XKR9: variants seen among roughly 807,000 people sequenced by gnomAD.
XKR9 encodes XK related 9.
Under a neutral mutation model 32.0 loss-of-function variants are expected in XKR9, and 32 were observed. That is an observed-to-expected ratio of 1.00 (90% confidence interval 0.76 to 1.34). The LOEUF is 1.34. XKR9 is among the 40% of genes most tolerant of loss of function. The probability of loss-of-function intolerance (pLI) is 0.00; values close to 1 mark genes in which losing one functional copy is unlikely to be tolerated. For synonymous variants in XKR9, 168 were observed against 143.4 expected, an observed-to-expected ratio of 1.17 and a Z score of -1.22; for missense variants, 546 against 429.7, an observed-to-expected ratio of 1.27 and a Z score of -2.39.
rs1346211992 is a variant in XKR9, at chr8:70,785,775, G to GTA, written n.353-3554_353-3553dup. On this transcript the variant is annotated intron_variant and non_coding_transcript_variant, in intron 2 of 3. Transcript: ENST00000520273. ...TATATATGTATATATGTGTATATAT[G>GTA]TATATATATATGTATGTATATATAC... 1.0e-4 allele frequency among the ~76,000 whole-genome samples: 15 copies of GTA among 143,318 alleles called. No individual in the cohort carries two copies. The East Asian group carries it at 1.8e-3, about 17-fold the overall frequency. 94.0% of individuals were successfully genotyped at this position (143,318 alleles called of 152,430 possible). A position where few individuals can be genotyped will look rare whatever the true frequency, so the allele number is the denominator to read the frequency against.
the XKR9 span, among the ~76,000 whole-genome samples, chr8:70,889,202 T>C: frequency 6.6e-6 from 1 of 151,276 alleles, no homozygotes; most frequent in Non-Finnish European, 1.5e-5. Context: ...GTTTATTTTA[T>C]TTTTTTTAGT....
At chr8:70,902,471 T>C in the XKR9 span, among the ~76,000 whole-genome samples, 1 of 152,218 alleles carries the variant, frequency 6.6e-6, no homozygotes, top group Admixed American at 6.5e-5. Context: ...TCTTGGTGTA[T>C]AGGAATGCTT....
the XKR9 span, among the ~76,000 whole-genome samples, chr8:70,805,034 A>G: frequency 1.1e-3 from 169 of 152,318 alleles, 2 homozygotes; most frequent in African/African-American, 4.0e-3. Context: ...GCTTCCATCA[A>G]AAAGAACCAT....
chr8:70,926,957 T>A, the XKR9 span, among the ~76,000 whole-genome samples: 1 of 152,096 alleles, frequency 6.6e-6, no homozygotes, highest in Non-Finnish European at 1.5e-5. Flanking sequence ...CTACCATTAT[T>A]TCTAGAGTTA....
chr8:70,979,264 C>A, the XKR9 span, among the ~76,000 whole-genome samples: 6 of 152,184 alleles, frequency 3.9e-5, no homozygotes, highest in Admixed American at 2.6e-4. Context: ...ATTCTCCGTC[C>A]AGCTTTGTTT....
At chr8:71,042,401 G>A in the XKR9 span, among the ~76,000 whole-genome samples, 2 of 151,988 alleles carry the variant, frequency 1.3e-5, no homozygotes, top group African/African-American at 4.8e-5. Flanking sequence ...TTAGAAACTG[G>A]GTGTCCCTGC....
At chr8:70,954,893 C>T in the XKR9 span, among the ~76,000 whole-genome samples, 1 of 152,120 alleles carries the variant, frequency 6.6e-6, no homozygotes, top group Admixed American at 6.5e-5. Flanking sequence ...GAGATTCTTT[C>T]CCTCCTGAGA....
chr8:70,953,478 A>G, the XKR9 span, among the ~76,000 whole-genome samples: 2 of 151,944 alleles, frequency 1.3e-5, no homozygotes, highest in Non-Finnish European at 2.9e-5. Context: ...TGCCCGGCTA[A>G]TTTTTTAATT....
At chr8:70,814,641 C>T in the XKR9 span, among the ~76,000 whole-genome samples, 3 of 152,176 alleles carry the variant, frequency 2.0e-5, no homozygotes, top group Middle Eastern at 6.8e-3. Flanking sequence ...CAATATCATA[C>T]TGAAGAAACA....
chr8:70,732,689 G>T (rs1297575681), intron 4 of XKR9, among the ~76,000 whole-genome samples: 1 of 152,260 alleles, frequency 6.6e-6, no homozygotes, highest in Non-Finnish European at 1.5e-5. Flanking sequence ...TCAGTCTCCA[G>T]TAGAGTTTGA....
the XKR9 span, among the ~76,000 whole-genome samples, chr8:71,054,190 T>C: frequency 6.6e-6 from 1 of 152,200 alleles, no homozygotes; most frequent in Non-Finnish European, 1.5e-5. Context: ...GAGGCTTTCA[T>C]GCAGCAATAG....
At chr8:70,890,564 G>A in the XKR9 span, among the ~76,000 whole-genome samples, 1 of 151,922 alleles carries the variant, frequency 6.6e-6, no homozygotes, top group Non-Finnish European at 1.5e-5. Context: ...AGATGATCAT[G>A]TGATTTTTGT....
chr8:70,856,400 A>G, the XKR9 span, among the ~76,000 whole-genome samples: 1 of 152,218 alleles, frequency 6.6e-6, no homozygotes, highest in Non-Finnish European at 1.5e-5. Flanking sequence ...TGGTAAAGGG[A>G]TCAATTCAAC....
At chr8:70,795,374 T>C in the XKR9 span, among the ~76,000 whole-genome samples, 1 of 152,186 alleles carries the variant, frequency 6.6e-6, no homozygotes, top group Non-Finnish European at 1.5e-5. Flanking sequence ...TAGTCTACCA[T>C]TGATGGGTAT....
chr8:70,739,139 A>T (rs542408901), downstream of XKR9, among the ~76,000 whole-genome samples: 32 of 152,086 alleles, frequency 2.1e-4, no homozygotes, highest in African/African-American at 7.0e-4. Flanking sequence ...TTGCTTTATG[A>T]ATCTGGGTGC....
the XKR9 span, among the ~76,000 whole-genome samples, chr8:70,997,265 C>G: frequency 6.6e-6 from 1 of 151,880 alleles, no homozygotes; most frequent in Non-Finnish European, 1.5e-5. Flanking sequence ...CCACTGCACT[C>G]CAACCTGGGC....
At chr8:70,740,270 G>A (rs1460444813), downstream of XKR9, among the ~76,000 whole-genome samples, 3 of 152,042 alleles carry the variant, frequency 2.0e-5, no homozygotes, top group African/African-American at 7.3e-5. Flanking sequence ...TGGCTCCTGA[G>A]TCTTCTGCAT....
chr8:70,699,706 T>A (rs1411976382), intron 3 of XKR9, among the ~76,000 whole-genome samples: 1 of 152,180 alleles, frequency 6.6e-6, no homozygotes, highest in African/African-American at 2.4e-5. Flanking sequence ...GTTCTCTGTA[T>A]TTCCTGTATG....
At chr8:70,951,755 C>T in the XKR9 span, among the ~76,000 whole-genome samples, 1 of 152,122 alleles carries the variant, frequency 6.6e-6, no homozygotes, top group Admixed American at 6.6e-5. Context: ...TCTCTCTTGG[C>T]AGGTTAAATG....
Sources: allele counts gnomAD v4.1 joint callset (sites outside exome capture counted in the v4.1 genomes callset), GRCh38; gene constraint gnomAD v4.1.1; transcripts MANE v1.5; gene names NCBI Gene and HGNC (gene_info 2026-07-23, HGNC 2026-07-21).